ZW10: variants seen among roughly 807,000 people sequenced by gnomAD.
ZW10 encodes the protein centromere/kinetochore protein zw10 homolog.
Under a neutral mutation model 87.8 loss-of-function variants are expected in ZW10, and 53 were observed. That is an observed-to-expected ratio of 0.60 (90% confidence interval 0.48 to 0.76). The LOEUF (loss-of-function observed/expected upper bound fraction) is 0.76. Among genes scored for constraint, ZW10 ranks in the 30% least tolerant of loss-of-function variants. The pLI is 0.00. For missense variants in ZW10, 837 were observed against 923.0 expected, an observed-to-expected ratio of 0.91 and a Z score of 1.21; for synonymous variants, 312 against 329.2, an observed-to-expected ratio of 0.95 and a Z score of 0.57.
chr11:113,745,269 T>C (rs1953666655), intron 9 of ZW10, among the ~76,000 whole-genome samples: 1 of 151,900 alleles, frequency 6.6e-6, no homozygotes, highest in African/African-American at 2.4e-5. Flanking sequence ...TAATGGCTTT[T>C]GAACCTTGTT....
chr11:113,747,773 G>C, intron 8 of ZW10, 60 bp from the exon 9 acceptor site: 2 of 1,361,334 alleles, frequency 1.5e-6, no homozygotes, highest in Non-Finnish European at 2.0e-6. Flanking sequence ...TACAATATTA[G>C]AATTTCAAAT....
intron 14 of ZW10, 21 bp from the exon 15 acceptor site, chr11:113,736,843 C>T: frequency 6.2e-7 from 1 of 1,611,960 alleles, no homozygotes; most frequent in East Asian, 2.2e-5. Context: ...ACAGAGGAAA[C>T]ACAATAGAAT....
At position 113,762,936 on chromosome 11, in the gene ZW10, C is replaced by T. The variant is rs144082455; in HGVS notation, c.241-2018G>A. Among the ~76,000 whole-genome samples, 5 of 152,254 alleles carry T rather than the reference C, an allele frequency of 3.3e-5. No homozygotes were observed. The East Asian group carries it at 5.8e-4, about 18-fold the overall frequency. On this transcript the variant is annotated intron_variant, in intron 2 of 15. Coordinates refer to ENST00000200135, the MANE Select transcript of ZW10 (RefSeq NM_004724.4). ...AAAAATGGGATACATGTGCAGAACA[C>T]GCAGGTTTGTTACACAGGTATACAT...
Position 113,757,826 on chromosome 11 carries a change from C to G in ZW10, c.761G>C (p.Arg254Thr). 1 of 1,609,498 alleles carries G rather than the reference C, an allele frequency of 6.2e-7. No individual in the cohort carries two copies. The change falls in exon 7 of 16, where the codon AGG becomes ACG. Residue 254 changes from arginine to threonine, a missense_variant. Transcript: ENST00000200135. Reference protein sequence around the residue: ...FGQMLLKYILRPLASCPSLHA... With the variant: ...FGQMLLKYILTPLASCPSLHA... Reference sequence around the variant, plus strand: ...AAGGGATGGGCAAGATGCCAGCGGCCTAAGGATATACTTCAGCAGCATCTG... The same window carrying G: ...AAGGGATGGGCAAGATGCCAGCGGCGTAAGGATATACTTCAGCAGCATCTG...
At chr11:113,747,052 T>TCCA (rs1953685792) in intron 9 of ZW10, among the ~76,000 whole-genome samples, 1 of 152,080 alleles carries the variant, frequency 6.6e-6, no homozygotes, top group Non-Finnish European at 1.5e-5. Flanking sequence ...AGGTCAAAGG[T>TCCA]CCACTGCCTT....
In ZW10 at chr11:113,763,656, G is replaced by A. The variant is rs924938412; in HGVS notation, c.241-2738C>T. Among the ~76,000 whole-genome samples the A allele has an allele frequency of 2.4e-4, 36 of 152,160 alleles. 1 individual carries two copies. Among genetic ancestry groups the A allele is most frequent in the Non-Finnish European group, 4.4e-4 (30 of 68,016 alleles). The stretch of plus-strand genomic sequence containing the variant: ...TTTCATGTTTGTAGGCCGCATAAAT[G>A]TCTTCTTTTGAGAAGTGTCTGTTAA... On this transcript the variant is annotated intron_variant, in intron 2 of 15. Coordinates refer to ENST00000200135, the MANE Select transcript of ZW10 (RefSeq NM_004724.4).
At chr11:113,765,267 G>A (rs537620135) in intron 2 of ZW10, among the ~76,000 whole-genome samples, 3 of 152,126 alleles carry the variant, frequency 2.0e-5, no homozygotes, top group South Asian at 2.1e-4. Context: ...TTTTCCTCAC[G>A]TCCAAACATG....
intron 7 of ZW10, among the ~76,000 whole-genome samples, chr11:113,749,754 A>G (rs912353676): frequency 6.6e-6 from 1 of 152,222 alleles, no homozygotes; most frequent in Non-Finnish European, 1.5e-5. Context: ...ATTAAACACA[A>G]TTTCATTGTT....
In ZW10 at chr11:113,737,719, G is replaced by A. The variant is rs778089135; in HGVS notation, c.1885-16C>T. The stretch of plus-strand genomic sequence containing the variant: ...GGTGCAGTACCTGTAGAAGAATACA[G>A]CTATTTACGTGGAAGAAAGATTACT... On this transcript the variant is annotated splice_polypyrimidine_tract_variant and intron_variant, in intron 13 of 15. Transcript: ENST00000200135. 6.3e-7 allele frequency: 1 copy of A among 1,577,358 alleles called. No individual in the cohort carries two copies. Among genetic ancestry groups the A allele is most frequent in the Non-Finnish European group, 8.6e-7 (1 of 1,157,048 alleles).
rs1953575935 is a variant in ZW10, at chr11:113,738,344, C to T, written c.1804G>A (p.Glu602Lys). The T allele has an allele frequency of 1.2e-6, 2 of 1,613,464 alleles. No individual in the cohort carries two copies. The highest frequency in any genetic ancestry group is 1.7e-6 in the Non-Finnish European group (2 of 1,179,722). The change falls in exon 13 of 16, where the codon GAA (glutamate) becomes AAA (lysine). Residue 602 changes from glutamate (E) to lysine (K), a missense_variant. Glu to Lys is a moderately conservative substitution (Grantham distance 56). Coordinates refer to ENST00000200135, the MANE Select transcript of ZW10 (RefSeq NM_004724.4). ...AAGTTCCTAGCACTTGATAATCTTT[C>T]CAGAAGTTCACCTTTCTGTGCCCGC... ...QMRAQKGELL[E>K]RLSSARNFSN...
At chr11:113,771,377 T>G (rs1332784325) in intron 1 of ZW10, 1 of 152,206 alleles carries the variant, frequency 6.6e-6, no homozygotes, top group Non-Finnish European at 1.5e-5. Context: ...ATGAGGGGTT[T>G]GAGTTAGTAC....
At chr11:113,767,173 T>C (rs1230427519) in intron 2 of ZW10, among the ~76,000 whole-genome samples, 2 of 127,778 alleles carry the variant, frequency 1.6e-5, no homozygotes, top group Non-Finnish European at 1.7e-5. Context: ...CAAACTACGA[T>C]GATTAAAAAA....
At chr11:113,766,811 G>A (rs1953912630) in intron 2 of ZW10, among the ~76,000 whole-genome samples, 1 of 149,882 alleles carries the variant, frequency 6.7e-6, no homozygotes, top group Non-Finnish European at 1.5e-5. Context: ...GAGGCCAGGA[G>A]TTTGAGACTA....
At chr11:113,740,185 TAA>T (rs142162870) in intron 11 of ZW10, among the ~76,000 whole-genome samples, 8 of 139,966 alleles carry the variant, frequency 5.7e-5, no homozygotes, top group Non-Finnish European at 1.1e-4. Context: ...CTGTGGGGCT[TAA>T]AAAAAAAGAA....
chr11:113,740,671 G>T (rs1051638228), intron 11 of ZW10, among the ~76,000 whole-genome samples: 6 of 152,190 alleles, frequency 3.9e-5, no homozygotes, highest in Non-Finnish European at 8.8e-5. Flanking sequence ...GTTATCTAAG[G>T]ACAGTGGTTC....
At chr11:113,733,928 A>T in intron 15 of ZW10, 114 bp from the exon 16 acceptor site, 1 of 1,268,718 alleles carries the variant, frequency 7.9e-7, no homozygotes, top group Non-Finnish European at 1.1e-6. Context: ...AAATAAAACA[A>T]ATCCTGGGCA....
At chr11:113,733,857 G>A in intron 15 of ZW10, 43 bp from the exon 16 acceptor site, 2 of 1,546,674 alleles carry the variant, frequency 1.3e-6, no homozygotes, top group Non-Finnish European at 1.7e-6. Flanking sequence ...TTAGGTCTCT[G>A]AAGTATAAGC....
At chr11:113,736,585 A>T (rs1279459657) in intron 15 of ZW10, 35 bp downstream of exon 15, 12 of 1,604,822 alleles carry the variant, frequency 7.5e-6, no homozygotes, top group Non-Finnish European at 8.5e-6. Context: ...GTAGCTATGG[A>T]GAGTTATATG....
At chr11:113,756,810 G>GA (rs1483539494) in intron 7 of ZW10, among the ~76,000 whole-genome samples, 2 of 152,046 alleles carry the variant, frequency 1.3e-5, no homozygotes, top group Non-Finnish European at 2.9e-5. Context: ...TATATCTAGT[G>GA]AAAATAAAAT....
Sources: gnomAD v4.1 joint callset for allele counts (sites outside exome capture counted in the v4.1 genomes callset) on GRCh38, gnomAD v4.1.1 for gene constraint, MANE v1.5 for transcripts, NCBI Gene and HGNC (gene_info 2026-07-23, HGNC 2026-07-21) for gene names.